Variants in DCC observed in about 807,000 individuals in gnomAD.
The protein encoded by DCC is DCC netrin 1 receptor.
A neutral mutation model predicts 172.5 loss-of-function variants in DCC; 58 were observed. The observed-to-expected ratio is 0.34, with a 90% CI of 0.27 to 0.42. DCC has a LOEUF of 0.42. DCC is among the 10% of genes least tolerant of loss of function. The probability of loss-of-function intolerance (pLI) is 1.00; values close to 1 mark genes in which losing one functional copy is unlikely to be tolerated. For synonymous variants in DCC, 709 were observed against 644.5 expected, an observed-to-expected ratio of 1.10 and a Z score of -1.52; for missense variants, 1,740 against 1,791.0, an observed-to-expected ratio of 0.97 and a Z score of 0.51.
At chr18:53,161,630 T>C (rs1014470300) in intron 8 of DCC, among the ~76,000 whole-genome samples, 5 of 152,186 alleles carry the variant, frequency 3.3e-5, no homozygotes, top group Non-Finnish European at 7.3e-5. Flanking sequence ...CTAAAACTTA[T>C]GAATAAAACC....
At chr18:53,076,854 A>G (rs2042731276) in intron 7 of DCC, among the ~76,000 whole-genome samples, 1 of 152,164 alleles carries the variant, frequency 6.6e-6, no homozygotes. Flanking sequence ...GATTGGGCAT[A>G]CAGCAGTGGT....
At chr18:52,867,774 G>A (rs146149418) in intron 2 of DCC, among the ~76,000 whole-genome samples, 62 of 152,086 alleles carry the variant, frequency 4.1e-4, no homozygotes, top group African/African-American at 1.2e-3. Context: ...ACCCTATAGC[G>A]TTCTAAAAGA....
chr18:53,271,868 G>A (rs2056753289), intron 12 of DCC, among the ~76,000 whole-genome samples: 2 of 152,144 alleles, frequency 1.3e-5, no homozygotes, highest in South Asian at 2.1e-4. Flanking sequence ...GTATTGCTAT[G>A]AAGTAATAAC....
At chr18:53,321,114 G>A (rs2057406819) in intron 13 of DCC, among the ~76,000 whole-genome samples, 1 of 152,154 alleles carries the variant, frequency 6.6e-6, no homozygotes, top group Middle Eastern at 3.4e-3. Flanking sequence ...CTTCAAATAT[G>A]TAATTTTGTA....
At chr18:52,451,749 C>A (rs1406848229) in intron 1 of DCC, among the ~76,000 whole-genome samples, 1 of 151,864 alleles carries the variant, frequency 6.6e-6, no homozygotes, top group Non-Finnish European at 1.5e-5. Flanking sequence ...TATAAGTGGT[C>A]AAGAACTGAG....
intron 1 of DCC, among the ~76,000 whole-genome samples, chr18:52,456,035 C>G (rs1598832579): frequency 6.6e-6 from 1 of 152,164 alleles, no homozygotes; most frequent in South Asian, 2.1e-4. Flanking sequence ...TGCTGGTGCT[C>G]TAAGCCAGAA....
intron 1 of DCC, among the ~76,000 whole-genome samples, chr18:52,702,147 A>T (rs1318941164): frequency 1.3e-5 from 2 of 152,166 alleles, no homozygotes; most frequent in Non-Finnish European, 2.9e-5. Flanking sequence ...ACAAATATGA[A>T]ATGTTTCTTT....
rs543869289 is a variant in DCC at position 53,135,327 on chromosome 18, A to G, written c.1262-22029A>G. ...GGTGGGATCAGGATGAAATAAGAGC[A>G]TGGGAAATCAGGATTCATCACACAA... On this transcript the variant is annotated intron_variant, in intron 7 of 28. Transcript: ENST00000442544. 1.0e-3 allele frequency among the ~76,000 whole-genome samples: 157 copies of G among 152,296 alleles called. 1 individual carries two copies. Among genetic ancestry groups the G allele is most frequent in the Non-Finnish European group, 6.0e-4 (41 of 68,030 alleles).
At chr18:53,234,882 G>A (rs2056178851) in intron 12 of DCC, among the ~76,000 whole-genome samples, 1 of 152,104 alleles carries the variant, frequency 6.6e-6, no homozygotes, top group African/African-American at 2.4e-5. Context: ...TGACTAGATG[G>A]TTTGTTCCTT....
At chr18:52,691,777 A>T (rs2035933427) in intron 1 of DCC, among the ~76,000 whole-genome samples, 1 of 152,164 alleles carries the variant, frequency 6.6e-6, no homozygotes, top group East Asian at 1.9e-4. Flanking sequence ...TTAACTCACC[A>T]CATGCTTTCT....
intron 1 of DCC, among the ~76,000 whole-genome samples, chr18:52,470,802 C>T (rs137918759): frequency 2.0e-5 from 3 of 152,270 alleles, no homozygotes; most frequent in East Asian, 3.9e-4. Context: ...ATCTTTTTAA[C>T]GCACTTATTG....
chr18:52,387,587 C>CTTCT (rs1985856004), intron 1 of DCC, among the ~76,000 whole-genome samples: 1 of 122,800 alleles, frequency 8.1e-6, no homozygotes. Context: ...TCCTTCCTTC[C>CTTCT]TTCCTTCCTT....
chr18:52,740,734 ACT>A (rs1461746313), intron 1 of DCC, among the ~76,000 whole-genome samples: 1 of 152,050 alleles, frequency 6.6e-6, no homozygotes, highest in Non-Finnish European at 1.5e-5. Flanking sequence ...AAAAGATTAG[ACT>A]CTCTATTTTA....
chr18:53,168,186 C>G (rs997755304), intron 8 of DCC, among the ~76,000 whole-genome samples: 3 of 152,082 alleles, frequency 2.0e-5, no homozygotes, highest in African/African-American at 7.2e-5. Flanking sequence ...ACCAGAAATA[C>G]CATTTGACCC....
intron 25 of DCC, among the ~76,000 whole-genome samples, chr18:53,477,644 A>G (rs566252798): frequency 1.3e-5 from 2 of 152,374 alleles, no homozygotes; most frequent in African/African-American, 4.8e-5. Context: ...ATGTTAACAG[A>G]TAAAACATAA....
chr18:52,775,227 A>C (rs2037408404), intron 2 of DCC, among the ~76,000 whole-genome samples: 1 of 151,606 alleles, frequency 6.6e-6, no homozygotes, highest in Non-Finnish European at 1.5e-5. Flanking sequence ...CTCACTGCTC[A>C]TGCTTCTAGG....
Position 52,848,769 on chromosome 18 carries a change from A to G in DCC, c.413-57275A>G, listed in dbSNP as rs148195420. ...CCATCTTTCTCTAATGGTTTAAGAT[A>G]AGACATATTTTTCCATTTATGTTAA... On this transcript the variant is annotated intron_variant, in intron 2 of 28. Coordinates refer to ENST00000442544, the MANE Select transcript of DCC (RefSeq NM_005215.4). Among the ~76,000 whole-genome samples, 510 of 152,340 alleles carry G rather than the reference A, an allele frequency of 3.3e-3. 1 individual carries two copies. Among genetic ancestry groups the G allele is most frequent in the Non-Finnish European group, 5.5e-3 (375 of 68,030 alleles).
intron 2 of DCC, among the ~76,000 whole-genome samples, chr18:52,760,420 C>A (rs2037142607): frequency 6.6e-6 from 1 of 152,142 alleles, no homozygotes; most frequent in Non-Finnish European, 1.5e-5. Flanking sequence ...GACACAGAAG[C>A]AGACCATATC....
intron 11 of DCC, among the ~76,000 whole-genome samples, chr18:53,213,118 T>C (rs1339035005): frequency 6.6e-6 from 1 of 152,198 alleles, no homozygotes; most frequent in East Asian, 1.9e-4. Flanking sequence ...TAAACTCAAA[T>C]GAAAGTGACA....
Sources: gnomAD v4.1 joint callset for allele counts (sites outside exome capture counted in the v4.1 genomes callset) on GRCh38, gnomAD v4.1.1 for gene constraint, MANE v1.5 for transcripts, NCBI Gene and HGNC (gene_info 2026-07-23, HGNC 2026-07-21) for gene names.